Variants in SNX4 observed in about 807,000 individuals in gnomAD.
SNX4 encodes the protein sorting nexin 4, also known as sorting nexin-4.
In SNX4, 49 loss-of-function variants were observed where a neutral mutation model predicts 70.8. The ratio of observed to expected loss-of-function variants is 0.69; its 90% confidence interval spans 0.55 to 0.88. The LOEUF is 0.88. SNX4 is among the 40% of genes least tolerant of loss of function. The probability of loss-of-function intolerance (pLI) is 0.00; values close to 1 mark genes in which losing one functional copy is unlikely to be tolerated. For synonymous variants in SNX4, 206 were observed against 183.8 expected (o/e 1.12, Z -0.98); for missense variants, 528 against 544.8 (o/e 0.97, Z 0.31).
chr3:125,483,129 A>G (rs1484342145), intron 6 of SNX4, among the ~76,000 whole-genome samples: 1 of 149,798 alleles, frequency 6.7e-6, no homozygotes, highest in African/African-American at 2.4e-5. Flanking sequence ...CATTTAAATA[A>G]AATTAAATTT....
At chr3:125,458,471 G>T (rs1189768920) in intron 10 of SNX4, among the ~76,000 whole-genome samples, 2 of 152,122 alleles carry the variant, frequency 1.3e-5, no homozygotes, top group Non-Finnish European at 2.9e-5. Flanking sequence ...GCCTGGCCTA[G>T]AAATGTTTAT....
At chr3:125,488,236 G>T (rs903661224) in intron 6 of SNX4, among the ~76,000 whole-genome samples, 1 of 150,852 alleles carries the variant, frequency 6.6e-6, no homozygotes, top group African/African-American at 2.4e-5. Flanking sequence ...AGAACTTTGG[G>T]AGGCCAAGGC....
chr3:125,462,400 G>C (rs1559811106), intron 9 of SNX4, among the ~76,000 whole-genome samples: 1 of 151,780 alleles, frequency 6.6e-6, no homozygotes, highest in Non-Finnish European at 1.5e-5. Context: ...GACCAGCCTG[G>C]GCAACATGGC....
intron 13 of SNX4, among the ~76,000 whole-genome samples, chr3:125,448,191 C>T (rs138946643): frequency 3.5e-4 from 53 of 150,166 alleles, no homozygotes; most frequent in African/African-American, 1.2e-3. Flanking sequence ...GGAGTATAAT[C>T]ATGGCTCATT....
chr3:125,520,157 G>C lies in SNX4; in HGVS notation c.16C>G (p.Pro6Ala), dbSNP rs1461643025. ...GGCTGGAGCTGCCGCTCGGGGTCCG[G>C]AGGTGCCTGCTCCATGGCTGCAGTT... The part of the protein sequence containing the change: MEQAP[P>A]DPERQLQPAP... The change falls in exon 1 of 14, where the codon CCG becomes GCG. Residue 6 changes from proline (P) to alanine (A), a missense_variant. Physicochemically the swap from Pro to Ala is conservative, Grantham distance 27. Around this residue, in one of 3 missense-constraint regions of SNX4, gnomAD observed 341 missense variants for 312.2 expected, o/e 1.09. Transcript: ENST00000251775. 2 of 1,425,520 alleles carry C rather than the reference G, an allele frequency of 1.4e-6. No homozygotes were observed. Among genetic ancestry groups the C allele is most frequent in the Non-Finnish European group, 1.8e-6 (2 of 1,096,578 alleles). The allele number at this position is 1,425,520 out of a possible 1,614,324, so 88.3% of individuals were successfully genotyped here.
In SNX4 at chr3:125,483,550, G is replaced by A. The variant is rs555043336; in HGVS notation, c.654-3231C>T. Reference sequence around the variant, plus strand: ...AAGCAGAGGTTTCTGGAGTTGAAAGGTCTTAACACCTTTGGTCACAGAACA... The same window carrying A: ...AAGCAGAGGTTTCTGGAGTTGAAAGATCTTAACACCTTTGGTCACAGAACA... On this transcript the variant is annotated intron_variant, in intron 6 of 13. Coordinates refer to ENST00000251775, the MANE Select transcript of SNX4 (RefSeq NM_003794.4). Among the ~76,000 whole-genome samples, 12 of 152,290 alleles carry A rather than the reference G, an allele frequency of 7.9e-5. No individual in the cohort carries two copies. The South Asian group carries it at 2.5e-3, about 32-fold the overall frequency.
intron 2 of SNX4, among the ~76,000 whole-genome samples, chr3:125,502,531 G>C (rs1017117711): frequency 6.6e-6 from 1 of 151,978 alleles, no homozygotes; most frequent in Non-Finnish European, 1.5e-5. Flanking sequence ...CAAGCTCACA[G>C]GTAAAGCCTA....
intron 1 of SNX4, among the ~76,000 whole-genome samples, chr3:125,511,396 G>A (rs1935172431): frequency 6.6e-6 from 1 of 151,888 alleles, no homozygotes; most frequent in Admixed American, 6.6e-5. Context: ...ACAATCAGGA[G>A]TCATCTTATA....
intron 8 of SNX4, among the ~76,000 whole-genome samples, chr3:125,470,372 T>C (rs1319553412): frequency 6.6e-6 from 1 of 152,044 alleles, no homozygotes; most frequent in Non-Finnish European, 1.5e-5. Context: ...TGTTTCCAAT[T>C]TTTCTGCTAT....
chr3:125,465,023 G>C (rs1430006858), intron 9 of SNX4, among the ~76,000 whole-genome samples: 1 of 151,936 alleles, frequency 6.6e-6, no homozygotes, highest in Non-Finnish European at 1.5e-5. Flanking sequence ...AGGATTACAG[G>C]CTTGAGCCAC....
At chr3:125,470,123 TTATAG>T (rs1307927210) in intron 8 of SNX4, among the ~76,000 whole-genome samples, 1 of 152,202 alleles carries the variant, frequency 6.6e-6, no homozygotes, top group East Asian at 1.9e-4. Context: ...TATATGCTTA[TTATAG>T]TAAACTGGGA....
At chr3:125,504,560 G>A in intron 2 of SNX4, 63 bp downstream of exon 2, 1 of 1,471,310 alleles carries the variant, frequency 6.8e-7, no homozygotes, top group Non-Finnish European at 9.4e-7. Flanking sequence ...AGCAGAGTCT[G>A]CATCAATAGC....
intron 12 of SNX4, 71 bp downstream of exon 12, chr3:125,453,739 A>G (rs1275481151): frequency 1.5e-6 from 2 of 1,372,238 alleles, no homozygotes; most frequent in African/African-American, 2.9e-5. Flanking sequence ...CAAAATAAAT[A>G]AATAAATAAA....
At chr3:125,515,225 G>A (rs1935249713) in intron 1 of SNX4, among the ~76,000 whole-genome samples, 1 of 151,974 alleles carries the variant, frequency 6.6e-6, no homozygotes, top group Non-Finnish European at 1.5e-5. Context: ...GGTGGCGTGT[G>A]CCTATAGTCC....
chr3:125,512,606 T>C (rs139465227), intron 1 of SNX4, among the ~76,000 whole-genome samples: 3,592 of 152,262 alleles, frequency 0.024, 57 homozygotes, highest in Middle Eastern at 0.051. Context: ...ACTGGCTTGT[T>C]GAATGGCAGA....
Position 125,520,055 on chromosome 3 carries a change from CT to C in SNX4, c.117del (p.Glu40LysfsTer9). 2 of 1,557,888 alleles carry C rather than the reference CT, an allele frequency of 1.3e-6. No homozygotes were observed. Among genetic ancestry groups the C allele is most frequent in the Non-Finnish European group, 1.7e-6 (2 of 1,155,130 alleles). ...AAVGKEAEGA[G>X]EESSGVDTMT... ...ACCGTGTCGACCCCAGAGCTCTCTT[CT>C]CCGGCCCCCTCCGCTTCCTTGCCGA... is the stretch of plus-strand genomic sequence containing the variant. On this transcript the variant is annotated frameshift_variant, in exon 1 of 14. Coordinates refer to ENST00000251775, the MANE Select transcript of SNX4 (RefSeq NM_003794.4). LOFTEE classifies it high-confidence loss of function.
chr3:125,518,105 A>G (rs1420321350), intron 1 of SNX4, among the ~76,000 whole-genome samples: 1 of 152,248 alleles, frequency 6.6e-6, no homozygotes, highest in African/African-American at 2.4e-5. Flanking sequence ...AAAGACATAT[A>G]TAATGCCTTT....
intron 13 of SNX4, among the ~76,000 whole-genome samples, chr3:125,448,395 A>G (rs1294370234): frequency 1.3e-5 from 2 of 151,192 alleles, no homozygotes; most frequent in Non-Finnish European, 2.9e-5. Flanking sequence ...TCTGCCTCCC[A>G]AAGTGCTGGC....
intron 11 of SNX4, among the ~76,000 whole-genome samples, chr3:125,455,701 T>C (rs1052826132): frequency 1.3e-5 from 2 of 152,182 alleles, no homozygotes; most frequent in Admixed American, 6.5e-5. Flanking sequence ...GGGTAATCTC[T>C]GTGAAAAGCA....
Sources: gnomAD v4.1 joint callset for allele counts (sites outside exome capture counted in the v4.1 genomes callset) on GRCh38, gnomAD v4.1.1 for gene constraint, gnomAD v4.1.1 regional missense constraint, MANE v1.5 for transcripts, NCBI Gene and HGNC (gene_info 2026-07-23, HGNC 2026-07-21) for gene names.